The following DAB1 variants were observed in gnomAD, a reference collection of about 807,000 sequenced individuals.
The protein encoded by DAB1 is DAB adaptor protein 1.
DAB1 carries 15 observed loss-of-function variants against 64.6 expected under a neutral mutation model. The ratio of observed to expected loss-of-function variants is 0.23; its 90% CI spans 0.16 to 0.36. DAB1 has a LOEUF of 0.36. Ranked by LOEUF, DAB1 falls within the 10% of genes least tolerant of loss-of-function variation. DAB1 has a pLI of 1.00. For missense variants in DAB1, 596 were observed against 706.7 expected, an observed-to-expected ratio of 0.84 and a Z score of 1.78; for synonymous variants, 235 against 251.9, an observed-to-expected ratio of 0.93 and a Z score of 0.64.
intron 1 of DAB1, among the ~76,000 whole-genome samples, chr1:57,882,008 G>A (rs1037274637): frequency 6.6e-6 from 1 of 152,210 alleles, no homozygotes; most frequent in Admixed American, 6.5e-5. Flanking sequence ...CAGGAAGATA[G>A]CTGTGGTTGG....
At chr1:57,706,768 C>T (rs543992710) in intron 6 of DAB1, among the ~76,000 whole-genome samples, 1 of 151,830 alleles carries the variant, frequency 6.6e-6, no homozygotes, top group Admixed American at 6.6e-5. Flanking sequence ...ATGTATTAAC[C>T]ACCCCAATTA....
chr1:57,610,760 G>A (rs1478399012), intron 7 of DAB1, among the ~76,000 whole-genome samples: 1 of 152,154 alleles, frequency 6.6e-6, no homozygotes, highest in East Asian at 1.9e-4. Context: ...TCACTATCAT[G>A]AGAAGAGCAT....
At chr1:58,377,201 T>A (rs1644336449) in intron 3 of DAB1, among the ~76,000 whole-genome samples, 1 of 151,092 alleles carries the variant, frequency 6.6e-6, no homozygotes. Flanking sequence ...TCTTGTTATA[T>A]GTGAATTTGA....
At chr1:58,234,981 A>G (rs757378503) in intron 4 of DAB1, among the ~76,000 whole-genome samples, 1 of 152,248 alleles carries the variant, frequency 6.6e-6, no homozygotes, top group Non-Finnish European at 1.5e-5. Context: ...TCAGACATGA[A>G]TAACAGTGAA....
At chr1:57,062,968 A>G in intron 8 of DAB1, 25 bp from the exon 9 acceptor site, 1 of 1,605,002 alleles carries the variant, frequency 6.2e-7, no homozygotes, top group Non-Finnish European at 8.5e-7. Flanking sequence ...AATTCAGCAC[A>G]GTCAAAACAC....
chr1:57,749,489 T>A (rs1159294588), intron 6 of DAB1, among the ~76,000 whole-genome samples: 2 of 152,210 alleles, frequency 1.3e-5, no homozygotes, highest in African/African-American at 4.8e-5. Flanking sequence ...GTTGGAAGCC[T>A]TGGCAACACC....
At chr1:58,118,679 C>CAT (rs1652546189) in intron 5 of DAB1, among the ~76,000 whole-genome samples, 9 of 144,868 alleles carry the variant, frequency 6.2e-5, no homozygotes, top group Admixed American at 2.1e-4. Flanking sequence ...CATATATATA[C>CAT]ATATATATAT....
At chr1:57,579,594 C>A (rs188857297) in intron 7 of DAB1, among the ~76,000 whole-genome samples, 1 of 152,066 alleles carries the variant, frequency 6.6e-6, no homozygotes, top group African/African-American at 2.4e-5. Context: ...TGAAGGAGAG[C>A]AGGTTCATAG....
intron 1 of DAB1, among the ~76,000 whole-genome samples, chr1:57,395,551 G>T (rs150641137): frequency 6.6e-6 from 1 of 152,278 alleles, no homozygotes; most frequent in African/African-American, 2.4e-5. Flanking sequence ...AAACAACCCT[G>T]CAAGGTAGTT....
intron 5 of DAB1, among the ~76,000 whole-genome samples, chr1:57,913,189 A>G (rs962509984): frequency 2.6e-5 from 4 of 152,138 alleles, no homozygotes; most frequent in African/African-American, 7.2e-5. Flanking sequence ...CCTGACTTCA[A>G]ACTATACTAC....
At chr1:57,052,153 G>A (rs1053496254) in intron 9 of DAB1, among the ~76,000 whole-genome samples, 3 of 139,560 alleles carry the variant, frequency 2.1e-5, no homozygotes, top group Non-Finnish European at 3.1e-5. Flanking sequence ...GGGGCGGGGG[G>A]AAGCTGAATC....
At chr1:57,704,698 T>C (rs1483333190) in intron 6 of DAB1, among the ~76,000 whole-genome samples, 3 of 152,178 alleles carry the variant, frequency 2.0e-5, no homozygotes, top group Admixed American at 2.0e-4. Context: ...ACTCTATTCC[T>C]GTGTTGACCA....
chr1:57,415,488 G>T (rs1044918011), intron 1 of DAB1, among the ~76,000 whole-genome samples: 1 of 152,134 alleles, frequency 6.6e-6, no homozygotes, highest in Non-Finnish European at 1.5e-5. Flanking sequence ...ATAGCAGAAG[G>T]TTGGCAAAAA....
intron 4 of DAB1, among the ~76,000 whole-genome samples, chr1:58,206,164 G>A (rs1012065242): frequency 1.3e-5 from 2 of 152,172 alleles, no homozygotes; most frequent in African/African-American, 4.8e-5. Context: ...TACATTTTAA[G>A]GAGACATGAG....
intron 4 of DAB1, among the ~76,000 whole-genome samples, chr1:58,330,947 A>T (rs1662955612): frequency 6.6e-6 from 1 of 152,200 alleles, no homozygotes; most frequent in Non-Finnish European, 1.5e-5. Flanking sequence ...TTGATGAAGG[A>T]ATGATTTTGA....
At chr1:57,791,125 C>T (rs1650577715) in intron 6 of DAB1, among the ~76,000 whole-genome samples, 1 of 152,156 alleles carries the variant, frequency 6.6e-6, no homozygotes, top group African/African-American at 2.4e-5. Context: ...TTTCTACCCT[C>T]TAGTAGCTTA....
At chr1:58,185,183 G>A (rs1657007160) in intron 4 of DAB1, among the ~76,000 whole-genome samples, 1 of 152,104 alleles carries the variant, frequency 6.6e-6, no homozygotes, top group Non-Finnish European at 1.5e-5. Context: ...TCTAGTCTGG[G>A]TCCTACTCAT....
chr1:57,776,255 G>A (rs1441177890), intron 6 of DAB1, among the ~76,000 whole-genome samples: 1 of 150,856 alleles, frequency 6.6e-6, no homozygotes, highest in Non-Finnish European at 1.5e-5. Flanking sequence ...GATTGGGGAT[G>A]TGGTACCCAT....
chr1:57,113,242 T>A (rs1270432709), intron 4 of DAB1, among the ~76,000 whole-genome samples: 1 of 152,226 alleles, frequency 6.6e-6, no homozygotes, highest in East Asian at 1.9e-4. Context: ...AATTGGCCAT[T>A]ATTGTTACTG....
Sources: gnomAD v4.1 joint callset for allele counts (sites outside exome capture counted in the v4.1 genomes callset) on GRCh38, gnomAD v4.1.1 for gene constraint, MANE v1.5 for transcripts, NCBI Gene and HGNC (gene_info 2026-07-23, HGNC 2026-07-21) for gene names.